TBC1D23: variants seen among roughly 807,000 people sequenced by gnomAD.
The protein encoded by TBC1D23 is HCV non-structural protein 4A-transactivated protein 1.
In TBC1D23, 55 loss-of-function variants were observed where a neutral mutation model predicts 91.4. That is an observed-to-expected ratio of 0.60 (90% CI 0.48 to 0.75). The LOEUF is 0.75. TBC1D23 is among the 30% of genes least tolerant of loss of function. The pLI, the probability that TBC1D23 is intolerant of heterozygous loss-of-function variation, is 0.00. For synonymous variants in TBC1D23, 289 were observed against 281.0 expected, an observed-to-expected ratio of 1.03 and a Z score of -0.28; for missense variants, 725 against 836.1, an observed-to-expected ratio of 0.87 and a Z score of 1.64.
At chr3:100,279,875 A>G (rs571092929) in intron 2 of TBC1D23, 115 bp downstream of exon 2, 20 of 575,682 alleles carry the variant, frequency 3.5e-5, no homozygotes, top group East Asian at 3.1e-4. Context: ...AGCATGCCGC[A>G]TCTAGATTTA....
At chr3:100,305,250 A>C (rs1184146807) in intron 12 of TBC1D23, among the ~76,000 whole-genome samples, 1 of 152,102 alleles carries the variant, frequency 6.6e-6, no homozygotes, top group Non-Finnish European at 1.5e-5. Flanking sequence ...TGGACTCTTT[A>C]GGTGTTTTGT....
chr3:100,315,626 G>A (rs1705730000), intron 15 of TBC1D23, among the ~76,000 whole-genome samples: 1 of 152,198 alleles, frequency 6.6e-6, no homozygotes, highest in Non-Finnish European at 1.5e-5. Context: ...AATATTTGGT[G>A]TTAGTAACTT....
chr3:100,264,299 C>G (rs1443806208), intron 1 of TBC1D23, among the ~76,000 whole-genome samples: 1 of 151,832 alleles, frequency 6.6e-6, no homozygotes, highest in Non-Finnish European at 1.5e-5. Context: ...TCTCCCCTCC[C>G]CCTCCCTCCC....
chr3:100,298,471 A>AATCT (rs1478358389), intron 9 of TBC1D23, among the ~76,000 whole-genome samples: 1 of 152,216 alleles, frequency 6.6e-6, no homozygotes, highest in Non-Finnish European at 1.5e-5. Flanking sequence ...TCTTCATGAA[A>AATCT]ATCTAATAAG....
Position 100,302,228 on chromosome 3 carries a change from C to G in TBC1D23, c.1254C>G (p.His418Gln). ...EDMYMNMVLA[H>Q]FLQKNKEYVS... ...TGTATATGAACATGGTCCTGGCACA[C>G]TTTTTACAGGTATGCTGACATAAAT... The change falls in exon 11 of 19, where the codon CAC (histidine) becomes CAG (glutamine). Residue 418 changes from histidine (H) to glutamine (Q), a missense_variant. By Grantham distance (24) the His-to-Gln change is conservative (BLOSUM62 0). Coordinates refer to ENST00000394144, the MANE Select transcript of TBC1D23 (RefSeq NM_001199198.3). 1 of 1,609,948 alleles carries G rather than the reference C, an allele frequency of 6.2e-7. No homozygotes were observed. Among genetic ancestry groups the G allele is most frequent in the East Asian group, 2.2e-5 (1 of 44,564 alleles).
chr3:100,279,611 G>A lies in TBC1D23; in HGVS notation c.54-38G>A, dbSNP rs1267370256. ...GAATCTTGAATAAGAAAAAGTATGA[G>A]ATAAAGTTCATTTTAATAAATAGGA... On this transcript the variant is annotated intron_variant, in intron 1 of 18. Coordinates refer to ENST00000394144, the MANE Select transcript of TBC1D23 (RefSeq NM_001199198.3). 3 of 1,323,780 alleles carry A rather than the reference G, an allele frequency of 2.3e-6. No individual in the cohort carries two copies. In the East Asian group the frequency reaches 7.4e-5, roughly 33 times the overall value. 82.0% of individuals were successfully genotyped at this position (1,323,780 alleles called of 1,614,324 possible). A position where few individuals can be genotyped will look rare whatever the true frequency, so the allele number is the denominator to read the frequency against.
intron 1 of TBC1D23, among the ~76,000 whole-genome samples, chr3:100,275,493 G>A (rs764413784): frequency 6.6e-6 from 1 of 151,974 alleles, no homozygotes; most frequent in Non-Finnish European, 1.5e-5. Flanking sequence ...TTTCCATGTT[G>A]CCCAGGCTGG....
rs149417220 is a variant in TBC1D23 at position 100,276,035 on chromosome 3, G to T, written c.54-3614G>T. On this transcript the variant is annotated intron_variant, in intron 1 of 18. Coordinates refer to ENST00000394144, the MANE Select transcript of TBC1D23 (RefSeq NM_001199198.3). ...GGAGGTGCTGGTGGGGAGGAATGGCGAGTGACTGCTAATGGGTATGGGGTT... is the reference window on the plus strand; with the variant it reads ...GGAGGTGCTGGTGGGGAGGAATGGCTAGTGACTGCTAATGGGTATGGGGTT... Among the ~76,000 whole-genome samples the T allele has an allele frequency of 1.1e-3, 166 of 151,512 alleles. 2 individuals are homozygous for T. The East Asian group carries it at 0.022, about 20-fold the overall frequency.
intron 4 of TBC1D23, among the ~76,000 whole-genome samples, chr3:100,287,337 C>G (rs1158937398): frequency 6.6e-6 from 1 of 152,166 alleles, no homozygotes; most frequent in Non-Finnish European, 1.5e-5. Flanking sequence ...ATTACAGTTT[C>G]ACATATAAGA....
At position 100,320,821 on chromosome 3, in the gene TBC1D23, T is replaced by C. The variant is rs146639266; in HGVS notation, c.1868T>C (p.Ile623Thr). 1 of 1,610,540 alleles carries C rather than the reference T, an allele frequency of 6.2e-7. No individual in the cohort carries two copies. The highest frequency in any genetic ancestry group is 1.7e-5 in the Admixed American group (1 of 59,492). ...TATHMYCLRE[I>T]VSRKGLAYIQ... is the part of the protein sequence containing the mutation. ...ACACATATGTACTGTTTAAGGGAGA[T>C]TGTTTCACGGAAAGGATTGGCTTAT... is the stretch of plus-strand genomic sequence containing the variant. Residue 623 changes from isoleucine (I) to threonine (T), a missense_variant, in exon 18 of 19, where the codon ATT becomes ACT. Transcript: ENST00000394144.
At chr3:100,270,523 G>A (rs1469103781) in intron 1 of TBC1D23, among the ~76,000 whole-genome samples, 1 of 152,014 alleles carries the variant, frequency 6.6e-6, no homozygotes, top group South Asian at 2.1e-4. Context: ...TTGATGGGGA[G>A]TAGGTTATAT....
intron 1 of TBC1D23, among the ~76,000 whole-genome samples, chr3:100,271,111 T>C (rs1305496312): frequency 6.6e-6 from 1 of 152,190 alleles, no homozygotes. Context: ...GAAAACATTC[T>C]ATTAATATCT....
At position 100,306,512 on chromosome 3, in the gene TBC1D23, C is replaced by G. The variant is rs1441720414; in HGVS notation, c.1382C>G (p.Ser461Ter). 6.2e-7 allele frequency: 1 copy of G among 1,609,948 alleles called. No homozygotes were observed. Among genetic ancestry groups the G allele is most frequent in the Non-Finnish European group, 8.5e-7 (1 of 1,176,362 alleles). ...TATGGCCATTGGATTGCTAGTACCT[C>G]AGGCTCAAGGAGCAGTATCAATTCT... ...NGYGHWIAST[S>*]GSRSSINSVD... The change falls in exon 13 of 19, where the codon TCA (serine) becomes TGA (stop). Residue 461 changes from serine to a stop codon, truncating the protein, a stop_gained. Coordinates refer to ENST00000394144, the MANE Select transcript of TBC1D23 (RefSeq NM_001199198.3). LOFTEE classifies it high-confidence loss of function.
At chr3:100,301,441 T>C (rs392802) in intron 10 of TBC1D23, among the ~76,000 whole-genome samples, 1 of 152,256 alleles carries the variant, frequency 6.6e-6, no homozygotes, top group South Asian at 2.1e-4. Flanking sequence ...GTGAGTGTGC[T>C]GTTTATATTT....
intron 1 of TBC1D23, among the ~76,000 whole-genome samples, chr3:100,274,665 G>A (rs1237142410): frequency 6.6e-6 from 1 of 151,160 alleles, no homozygotes; most frequent in Non-Finnish European, 1.5e-5. Context: ...TTTTGGGACG[G>A]ATTTATTTCA....
chr3:100,295,284 TTTGA>T lies in TBC1D23; in HGVS notation c.726-15_726-12del. Reference sequence around the variant, plus strand: ...TCTGTTAATATTTAACTCAAATTGATTTGATTCCCTTTTACAGAGAAGTTATTTT... The same window carrying T: ...TCTGTTAATATTTAACTCAAATTGATTTCCCTTTTACAGAGAAGTTATTTT... On this transcript the variant is annotated splice_polypyrimidine_tract_variant and intron_variant, in intron 6 of 18. Transcript: ENST00000394144. The T allele has an allele frequency of 6.2e-7, 1 of 1,607,062 alleles. No individual in the cohort carries two copies. Among genetic ancestry groups the T allele is most frequent in the Non-Finnish European group, 8.5e-7 (1 of 1,177,882 alleles).
In TBC1D23 at chr3:100,302,081, A is replaced by G. The variant is rs1376947272; in HGVS notation, c.1107A>G (p.Pro369=). ...AAATTGTCTAGATGCTTCAGAATCC[A>G]TCTGAGTTTGCACAGTCAGTAAAAT... is the stretch of plus-strand genomic sequence containing the variant. ...HLDSDLMLQN[P]SEFAQSVKSL... is the part of the protein sequence containing the mutation. The change falls in exon 11 of 19, where the codon CCA becomes CCG. Residue 369 remains proline (P), a synonymous_variant. Coordinates refer to ENST00000394144, the MANE Select transcript of TBC1D23 (RefSeq NM_001199198.3). The G allele has an allele frequency of 6.2e-7, 1 of 1,611,446 alleles. No individual in the cohort carries two copies. The highest frequency in any genetic ancestry group is 1.7e-5 in the Admixed American group (1 of 59,522).
At chr3:100,317,674 C>G (rs1705774094) in intron 16 of TBC1D23, among the ~76,000 whole-genome samples, 1 of 135,920 alleles carries the variant, frequency 7.4e-6, no homozygotes. Context: ...CTTTTTTCCC[C>G]TCTCTGTTGC....
intron 1 of TBC1D23, among the ~76,000 whole-genome samples, chr3:100,278,084 T>C (rs1394107834): frequency 1.3e-5 from 2 of 152,216 alleles, no homozygotes; most frequent in East Asian, 3.8e-4. Context: ...GAGCAACGCT[T>C]TATGAAATTT....
Sources: allele counts gnomAD v4.1 joint callset (sites outside exome capture counted in the v4.1 genomes callset), GRCh38; gene constraint gnomAD v4.1.1; transcripts MANE v1.5; gene names NCBI Gene and HGNC (gene_info 2026-07-23, HGNC 2026-07-21).